RIMS1: variants seen among roughly 807,000 people sequenced by gnomAD.
RIMS1 encodes the protein regulating synaptic membrane exocytosis 1.
RIMS1 carries 83 observed loss-of-function variants against 214.1 expected under a neutral mutation model. The ratio of observed to expected loss-of-function variants is 0.39; its 90% CI spans 0.32 to 0.47. RIMS1 has a LOEUF of 0.47. Among genes scored for constraint, RIMS1 ranks in the 20% least tolerant of loss-of-function variants. The pLI, the probability that RIMS1 is intolerant of heterozygous loss-of-function variation, is 0.99. For missense variants in RIMS1, 2,050 were observed against 2,161.8 expected (o/e 0.95, Z 1.03); for synonymous variants, 793 against 786.8 (o/e 1.01, Z -0.13).
intron 7 of RIMS1, among the ~76,000 whole-genome samples, chr6:72,234,171 A>T (rs144747836): frequency 6.6e-6 from 1 of 151,960 alleles, no homozygotes; most frequent in South Asian, 2.1e-4. Flanking sequence ...TTTTAGAACT[A>T]TTTAAAAATG....
chr6:72,046,662 A>G (rs1430344457), intron 2 of RIMS1, among the ~76,000 whole-genome samples: 1 of 152,102 alleles, frequency 6.6e-6, no homozygotes, highest in East Asian at 1.9e-4. Flanking sequence ...TTCATTTGAA[A>G]ATTTGTACTG....
At chr6:72,392,157 A>C (rs543517719) in intron 30 of RIMS1, among the ~76,000 whole-genome samples, 2 of 152,354 alleles carry the variant, frequency 1.3e-5, no homozygotes, top group South Asian at 4.1e-4. Flanking sequence ...TCCTGGGGCT[A>C]TCAGGAAGTT....
chr6:72,182,179 A>G (rs970716036), intron 5 of RIMS1, 105 bp from the exon 6 acceptor site: 1 of 1,253,696 alleles, frequency 8.0e-7, no homozygotes, highest in African/African-American at 1.5e-5. Flanking sequence ...CCCTATAACT[A>G]ATTATTGTAA....
chr6:72,292,121 A>C (rs2093479613), intron 26 of RIMS1, 75 bp downstream of exon 26: 2 of 887,864 alleles, frequency 2.3e-6, no homozygotes, highest in South Asian at 1.8e-5. Flanking sequence ...CCTTTTATTA[A>C]ATGAATAGTA....
chr6:72,179,458 G>T, intron 4 of RIMS1, 117 bp from the exon 5 acceptor site: 2 of 912,768 alleles, frequency 2.2e-6, no homozygotes, highest in Non-Finnish European at 3.5e-6. Flanking sequence ...CAAGAAATTT[G>T]CAAGGATAAA....
chr6:71,976,511 A>G (rs1156542937), intron 2 of RIMS1, among the ~76,000 whole-genome samples: 1 of 152,150 alleles, frequency 6.6e-6, no homozygotes, highest in African/African-American at 2.4e-5. Context: ...TGTCACAGAA[A>G]TGATTTGCAA....
chr6:72,203,344 A>C (rs1302141936), intron 6 of RIMS1, among the ~76,000 whole-genome samples: 1 of 152,150 alleles, frequency 6.6e-6, no homozygotes. Flanking sequence ...ATTTTACAGT[A>C]GTGAGGAAGG....
chr6:71,927,512 A>G (rs1429340211), intron 1 of RIMS1, among the ~76,000 whole-genome samples: 1 of 152,180 alleles, frequency 6.6e-6, no homozygotes, highest in East Asian at 1.9e-4. Flanking sequence ...GACTGATTAG[A>G]CAAAATTCGT....
chr6:71,991,335 A>G (rs1273879268), intron 2 of RIMS1, among the ~76,000 whole-genome samples: 2 of 152,166 alleles, frequency 1.3e-5, no homozygotes, highest in African/African-American at 4.8e-5. Context: ...ATGTCTTTTA[A>G]AAATGCCTAA....
intron 2 of RIMS1, among the ~76,000 whole-genome samples, chr6:72,005,794 C>G (rs1807318777): frequency 6.6e-6 from 1 of 152,176 alleles, no homozygotes; most frequent in South Asian, 2.1e-4. Flanking sequence ...TCTCTCCTGA[C>G]ATGGGACATG....
chr6:72,103,006 T>A (rs1267581913), intron 4 of RIMS1, among the ~76,000 whole-genome samples: 1 of 152,116 alleles, frequency 6.6e-6, no homozygotes, highest in Non-Finnish European at 1.5e-5. Context: ...CTTCTTTTTA[T>A]CTGGATGTTT....
chr6:72,318,362 A>AT (rs1276891372), intron 28 of RIMS1, among the ~76,000 whole-genome samples: 21 of 151,462 alleles, frequency 1.4e-4, no homozygotes, highest in Admixed American at 6.6e-4. Context: ...AGTTTCTGTG[A>AT]TTTTTACTGA....
intron 1 of RIMS1, among the ~76,000 whole-genome samples, chr6:71,950,464 A>G (rs892897513): frequency 6.6e-6 from 1 of 152,172 alleles, no homozygotes; most frequent in Non-Finnish European, 1.5e-5. Flanking sequence ...ATAATTCCAG[A>G]AAGGAGAAAA....
intron 28 of RIMS1, among the ~76,000 whole-genome samples, chr6:72,315,813 A>G (rs2095753675): frequency 6.6e-6 from 1 of 152,242 alleles, no homozygotes; most frequent in South Asian, 2.1e-4. Flanking sequence ...TGACATCAGC[A>G]TAAAAGCATC....
chr6:72,151,352 A>G (rs1169578531), intron 4 of RIMS1, among the ~76,000 whole-genome samples: 1 of 152,154 alleles, frequency 6.6e-6, no homozygotes, highest in Non-Finnish European at 1.5e-5. Flanking sequence ...CATATATTCT[A>G]TTTTAATGGA....
At chr6:71,960,704 A>G (rs552646753) in intron 1 of RIMS1, among the ~76,000 whole-genome samples, 1 of 152,144 alleles carries the variant, frequency 6.6e-6, no homozygotes, top group Admixed American at 6.5e-5. Context: ...TTTTAAAAAA[A>G]CTCACTCTAA....
intron 29 of RIMS1, among the ~76,000 whole-genome samples, chr6:72,359,807 A>G (rs1241999881): frequency 6.6e-6 from 1 of 152,184 alleles, no homozygotes; most frequent in East Asian, 1.9e-4. Flanking sequence ...TTGAGTTTCA[A>G]AATACGTTAT....
chr6:72,072,121 C>CAGG (rs1386558691), intron 2 of RIMS1, among the ~76,000 whole-genome samples: 2 of 152,054 alleles, frequency 1.3e-5, no homozygotes, highest in African/African-American at 4.8e-5. Context: ...AACTCTGGGT[C>CAGG]AGGATGATGT....
At chr6:72,010,950 A>T (rs1810297451) in intron 2 of RIMS1, among the ~76,000 whole-genome samples, 1 of 152,162 alleles carries the variant, frequency 6.6e-6, no homozygotes, top group Non-Finnish European at 1.5e-5. Context: ...GCTACCAATG[A>T]CTTTCTTCAC....
Sources: allele counts gnomAD v4.1 joint callset (sites outside exome capture counted in the v4.1 genomes callset), GRCh38; gene constraint gnomAD v4.1.1; transcripts MANE v1.5; gene names NCBI Gene and HGNC (gene_info 2026-07-23, HGNC 2026-07-21).